PREX1: variants seen among roughly 807,000 people sequenced by gnomAD.
PREX1 encodes phosphatidylinositol 3,4,5-trisphosphate-dependent Rac exchanger 1 protein.
PREX1 carries 41 observed loss-of-function variants against 198.3 expected under a neutral mutation model. That is an observed-to-expected ratio of 0.21 (90% confidence interval 0.16 to 0.27). PREX1 has a LOEUF of 0.27. PREX1 is among the 10% of genes least tolerant of loss of function. The pLI is 1.00. For synonymous variants in PREX1, 843 were observed against 887.2 expected (o/e 0.95, Z 0.89); for missense variants, 1,620 against 2,200.7 (o/e 0.74, Z 5.28).
the PREX1 span, among the ~76,000 whole-genome samples, chr20:48,836,424 G>A: frequency 6.6e-6 from 1 of 152,144 alleles, no homozygotes; most frequent in Non-Finnish European, 1.5e-5. Flanking sequence ...ACAGGGGTGA[G>A]GGACAGTTCC....
intron 7 of PREX1, among the ~76,000 whole-genome samples, chr20:48,698,454 A>G (rs544131775): frequency 6.6e-6 from 1 of 152,220 alleles, no homozygotes; most frequent in East Asian, 1.9e-4. Flanking sequence ...CAGGGTGGAC[A>G]TTGGCAGCAG....
chr20:48,827,631 G>A lies in PREX1; in HGVS notation c.219+11C>T. On this transcript the variant is annotated intron_variant, in intron 1 of 39. Transcript: ENST00000371941. This position sits in a 1 kb window ranked among gnomAD's most constrained non-coding sequence, Gnocchi z 4.1. ...GGGAAAGCTGTCCCCAAGCTCCCGA[G>A]CGACACTCACCGACTGCAAGAAGCG... 7.7e-7 allele frequency: 1 copy of A among 1,293,476 alleles called. No individual in the cohort carries two copies. The highest frequency in any genetic ancestry group is 9.9e-7 in the Non-Finnish European group (1 of 1,008,602). The allele number at this position is 1,293,476 out of a possible 1,614,324, so 80.1% of individuals were successfully genotyped here.
intron 10 of PREX1, among the ~76,000 whole-genome samples, chr20:48,683,788 A>C (rs534542222): frequency 1.3e-5 from 2 of 152,258 alleles, no homozygotes; most frequent in Admixed American, 1.3e-4. Flanking sequence ...CATTTTCTGA[A>C]AGCACTACGT....
the PREX1 span, among the ~76,000 whole-genome samples, chr20:48,852,751 G>A: frequency 6.6e-6 from 1 of 152,202 alleles, no homozygotes; most frequent in Non-Finnish European, 1.5e-5. Flanking sequence ...GCAAGTATGG[G>A]AAATAACCTA....
the PREX1 span, among the ~76,000 whole-genome samples, chr20:48,881,616 A>G: frequency 5.3e-5 from 8 of 151,766 alleles, no homozygotes; most frequent in Admixed American, 5.3e-4. Flanking sequence ...CCTCCTGAGT[A>G]GCTGGGTCTA....
chr20:48,629,407 C>A, intron 37 of PREX1, 42 bp downstream of exon 37: 1 of 1,597,594 alleles, frequency 6.3e-7, no homozygotes, highest in Non-Finnish European at 8.5e-7. Context: ...AGAAGCTAGG[C>A]CAGCCCCTCC....
chr20:48,719,693 T>C (rs2089977350), intron 5 of PREX1, among the ~76,000 whole-genome samples: 1 of 152,132 alleles, frequency 6.6e-6, no homozygotes, highest in Non-Finnish European at 1.5e-5. Context: ...GCAAAGGATG[T>C]GAAAAGGCAA....
In PREX1 at chr20:48,673,057, C is replaced by T. The variant is rs545233247; in HGVS notation, c.1665+3136G>A. Among the ~76,000 whole-genome samples the T allele has an allele frequency of 2.0e-5, 3 of 151,830 alleles. No individual in the cohort carries two copies. The South Asian group carries it at 6.3e-4, about 32-fold the overall frequency. On this transcript the variant is annotated intron_variant, in intron 14 of 39. Transcript: ENST00000371941. Reference sequence around the variant, plus strand: ...AAAAAAAAAAGTTAGCTAATGAGCTCGCTTGTCTAACTTCCCTACACTCTC... The same window carrying T: ...AAAAAAAAAAGTTAGCTAATGAGCTTGCTTGTCTAACTTCCCTACACTCTC...
At chr20:48,776,579 G>T (rs2090263332) in intron 1 of PREX1, among the ~76,000 whole-genome samples, 1 of 152,180 alleles carries the variant, frequency 6.6e-6, no homozygotes, top group South Asian at 2.1e-4. Context: ...CAGGCCCTCG[G>T]AAAACCCAGC....
upstream of PREX1, among the ~76,000 whole-genome samples, chr20:48,832,671 C>T (rs529212215): frequency 1.8e-4 from 28 of 152,362 alleles, no homozygotes; most frequent in Admixed American, 1.6e-3. Context: ...GGGTTCACTT[C>T]TTCCCACCAA....
chr20:48,827,727 C>A lies in PREX1; in HGVS notation c.134G>T (p.Arg45Leu), dbSNP rs377479302. The part of the protein sequence containing the change: ...GPCAAARESE[R>L]QLRLRLCVLN... ...GACGCAGAGGCGGAGGCGCAGCTGG[C>A]GCTCGGACTCCCGGGCGGCCGCGCA... Residue 45 changes from arginine to leucine, a missense_variant, in exon 1 of 40, where the codon CGC becomes CTC. By Grantham distance (102) the Arg-to-Leu change is moderately radical. Around this residue, in one of 7 missense-constraint regions of PREX1, gnomAD observed 96 missense variants for 98.7 expected, o/e 0.97. Coordinates refer to ENST00000371941, the MANE Select transcript of PREX1 (RefSeq NM_020820.4). The surrounding 1 kb of genome is among the most constrained non-coding windows in gnomAD (Gnocchi z 4.1). 1.5e-6 allele frequency: 2 copies of A among 1,337,412 alleles called. No individual in the cohort carries two copies. The highest frequency in any genetic ancestry group is 1.9e-6 in the Non-Finnish European group (2 of 1,029,762). The allele number at this position is 1,337,412 out of a possible 1,614,324, so 82.8% of individuals were successfully genotyped here.
upstream of PREX1, among the ~76,000 whole-genome samples, chr20:48,828,041 G>A (rs1465556838): frequency 6.8e-6 from 1 of 146,194 alleles, no homozygotes; most frequent in African/African-American, 2.5e-5. Context: ...CAGCGCGCGG[G>A]GGCCGGGCGA....
intron 18 of PREX1, among the ~76,000 whole-genome samples, chr20:48,655,832 C>T (rs1270762390): frequency 6.6e-6 from 1 of 152,168 alleles, no homozygotes; most frequent in African/African-American, 2.4e-5. Flanking sequence ...TTCTGTGGGT[C>T]GATCCCCAAA....
rs530423352 is a variant in PREX1 at position 48,627,502 on chromosome 20, G to T, written c.4937+46C>A. ...ATGATGCCAAAGCCAGGCCTGGGTC[G>T]CCAGCTGGGAGTGGACAGGAAGGGG... is the stretch of plus-strand genomic sequence containing the variant. On this transcript the variant is annotated intron_variant, in intron 39 of 39. Coordinates refer to ENST00000371941, the MANE Select transcript of PREX1 (RefSeq NM_020820.4). The T allele has an allele frequency of 3.1e-5, 50 of 1,604,706 alleles. 1 individual carries two copies. In the South Asian group the frequency reaches 4.6e-4, roughly 15 times the overall value.
At chr20:48,844,859 T>G in the PREX1 span, among the ~76,000 whole-genome samples, 1 of 152,210 alleles carries the variant, frequency 6.6e-6, no homozygotes, top group African/African-American at 2.4e-5. Context: ...ATACTGCTTG[T>G]ATGGTAAAAC....
At chr20:48,739,609 T>C (rs2090072129) in intron 3 of PREX1, among the ~76,000 whole-genome samples, 1 of 152,188 alleles carries the variant, frequency 6.6e-6, no homozygotes, top group South Asian at 2.1e-4. Flanking sequence ...TTACCCTCTG[T>C]TTCTCCCACC....
Position 48,691,908 on chromosome 20 carries a change from G to C in PREX1, c.1036+764C>G, listed in dbSNP as rs1033904603. On this transcript the variant is annotated intron_variant, in intron 8 of 39. Transcript: ENST00000371941. This position sits in a 1 kb window ranked among gnomAD's most constrained non-coding sequence, Gnocchi z 5.0. The stretch of plus-strand genomic sequence containing the variant: ...ATGTAGACCATATTTTCTGGGCGGG[G>C]AGACTAGGTGTCGCTCTGTCACCCA... Among the ~76,000 whole-genome samples the C allele has an allele frequency of 1.3e-5, 2 of 152,200 alleles. No homozygotes were observed. Among genetic ancestry groups the C allele is most frequent in the East Asian group, 3.8e-4 (2 of 5,200 alleles).
chr20:48,830,930 G>T (rs2090535934), upstream of PREX1, among the ~76,000 whole-genome samples: 1 of 152,168 alleles, frequency 6.6e-6, no homozygotes, highest in African/African-American at 2.4e-5. Context: ...GATGCATTTG[G>T]CTGCAAGGAG....
chr20:48,657,107 A>G lies in PREX1; in HGVS notation c.2056T>C (p.Ser686Pro). ...GAGCAGAAGGACTGGTTGAGGATGG[A>G]CTCCACCTCTGAAAACGGCCGCAGG... is the stretch of plus-strand genomic sequence containing the variant. ...VFLRPFSEVE[S>P]ILNQSFCSRR... The change falls in exon 18 of 40, where the codon TCC (serine) becomes CCC (proline). Residue 686 changes from serine (S) to proline (P), a missense_variant. Ser to Pro is a moderately conservative substitution (Grantham distance 74). Coordinates refer to ENST00000371941, the MANE Select transcript of PREX1 (RefSeq NM_020820.4). 2 of 1,611,306 alleles carry G rather than the reference A, an allele frequency of 1.2e-6. No homozygotes were observed. The highest frequency in any genetic ancestry group is 2.2e-5 in the South Asian group (2 of 90,430).
Sources: gnomAD v4.1 joint callset for allele counts (sites outside exome capture counted in the v4.1 genomes callset) on GRCh38, gnomAD v4.1.1 for gene constraint, gnomAD v4.1.1 regional missense constraint, Gnocchi (gnomAD v3.1) non-coding constraint, MANE v1.5 for transcripts, NCBI Gene and HGNC (gene_info 2026-07-23, HGNC 2026-07-21) for gene names.